Variants in RPL26L1 observed in about 807,000 individuals in gnomAD.
RPL26L1 encodes ribosomal protein L26 like 1, also known as ribosomal protein uL24-like.
RPL26L1 carries 8 observed loss-of-function variants against 15.2 expected under a neutral mutation model. The observed-to-expected ratio is 0.53, with a 90% CI of 0.31 to 0.95. The LOEUF (loss-of-function observed/expected upper bound fraction) is 0.95, where lower values mean the gene tolerates loss of function less well. Among genes scored for constraint, RPL26L1 ranks in the 40% least tolerant of loss-of-function variants. The pLI is 0.05. For missense variants in RPL26L1, 146 were observed against 190.9 expected, an observed-to-expected ratio of 0.76 and a Z score of 1.39; for synonymous variants, 51 against 65.9, an observed-to-expected ratio of 0.77 and a Z score of 1.09.
chr5:172,960,418 A>C (rs1162645534), intron 2 of RPL26L1, among the ~76,000 whole-genome samples: 1 of 152,082 alleles, frequency 6.6e-6, no homozygotes, highest in Admixed American at 6.6e-5. Flanking sequence ...TGCCCCACCA[A>C]AAATACTTTT....
chr5:172,960,193 A>G, intron 2 of RPL26L1, 152 bp downstream of exon 2: 1 of 824,782 alleles, frequency 1.2e-6, no homozygotes. Context: ...GAGCCACCAG[A>G]GAGTGCCTGC....
chr5:172,959,783 G>T, intron 1 of RPL26L1, 82 bp from the exon 2 acceptor site: 1 of 1,455,696 alleles, frequency 6.9e-7, no homozygotes, highest in Non-Finnish European at 9.6e-7. Context: ...TTTGTTGGGG[G>T]ATGAGGAGTG....
At chr5:172,959,502 A>T (rs1468077723) in intron 1 of RPL26L1, 34 bp downstream of exon 1, 1 of 1,048,268 alleles carries the variant, frequency 9.5e-7, no homozygotes, top group Non-Finnish European at 1.2e-6. Flanking sequence ...CGGACAGTGA[A>T]CTCTACCGCC....
chr5:172,969,345 T>C (rs1755595277), intron 3 of RPL26L1, 68 bp from the exon 4 acceptor site: 3 of 1,518,030 alleles, frequency 2.0e-6, no homozygotes, highest in South Asian at 1.2e-5. Flanking sequence ...ACTTAACTTA[T>C]GATGTCTATA....
chr5:172,960,240 T>G (rs1201472679), intron 2 of RPL26L1, among the ~76,000 whole-genome samples, 199 bp downstream of exon 2: 2 of 152,178 alleles, frequency 1.3e-5, no homozygotes, highest in Non-Finnish European at 2.9e-5. Context: ...ATAGTAATAG[T>G]AAAATTTAAT....
intron 2 of RPL26L1, among the ~76,000 whole-genome samples, chr5:172,966,387 C>G (rs1299670330): frequency 7.5e-6 from 1 of 133,272 alleles, no homozygotes; most frequent in Non-Finnish European, 1.5e-5. Flanking sequence ...GTCTCCAACT[C>G]CTGGACTCAA....
chr5:172,957,081 C>G, upstream of RPL26L1: 1 of 425,534 alleles, frequency 2.3e-6, no homozygotes, highest in East Asian at 7.1e-5. Context: ...GAGATCCAAA[C>G]CCAAGCGATT....
upstream of RPL26L1, chr5:172,955,684 C>T (rs1754951868): frequency 6.6e-6 from 1 of 152,222 alleles, no homozygotes; most frequent in Non-Finnish European, 1.5e-5. Context: ...GTGATGAGGT[C>T]ACGCACTTCA....
chr5:172,961,638 T>G (rs538588977), intron 2 of RPL26L1, among the ~76,000 whole-genome samples: 1 of 152,332 alleles, frequency 6.6e-6, no homozygotes, highest in Admixed American at 6.5e-5. Context: ...AGAACCTACT[T>G]TGACGTAGAT....
chr5:172,961,171 G>A (rs1171244202), intron 2 of RPL26L1, among the ~76,000 whole-genome samples: 1 of 152,186 alleles, frequency 6.6e-6, no homozygotes, highest in Non-Finnish European at 1.5e-5. Flanking sequence ...TTGAAGGTTT[G>A]GGGATATGTT....
chr5:172,967,791 CAT>C lies in RPL26L1; in HGVS notation c.169-663_169-662del, dbSNP rs377599624. Among the ~76,000 whole-genome samples the C allele has an allele frequency of 7.5e-4, 114 of 151,024 alleles. 1 individual carries two copies. In the East Asian group the frequency reaches 0.012, roughly 16 times the overall value. ...ATACACATATATACGTATGTATACA[CAT>C]ATATGTATATATGACATATAAGTAC... On this transcript the variant is annotated intron_variant, in intron 2 of 3. Transcript: ENST00000265100.
intron 2 of RPL26L1, 78 bp from the exon 3 acceptor site, chr5:172,968,381 G>A: frequency 6.4e-7 from 1 of 1,554,994 alleles, no homozygotes; most frequent in Non-Finnish European, 8.8e-7. Context: ...TTTAGCCCAT[G>A]TGTTCCTGAT....
chr5:172,960,440 C>T (rs542551042), intron 2 of RPL26L1, among the ~76,000 whole-genome samples: 19 of 152,260 alleles, frequency 1.2e-4, no homozygotes, highest in African/African-American at 4.6e-4. Flanking sequence ...ATTTAACCTT[C>T]TGGCTGCTAG....
chr5:172,964,274 C>T (rs1755360560), intron 2 of RPL26L1, among the ~76,000 whole-genome samples: 2 of 105,358 alleles, frequency 1.9e-5, no homozygotes, highest in Admixed American at 1.1e-4. Context: ...AGTGTCTGGC[C>T]TGTTGCCTTT....
Position 172,960,036 on chromosome 5 carries a change from G to A in RPL26L1, c.163G>A (p.Val55Ile). 2 of 1,614,058 alleles carry A rather than the reference G, an allele frequency of 1.2e-6. No homozygotes were observed. The highest frequency in any genetic ancestry group is 1.7e-6 in the Non-Finnish European group (2 of 1,179,982). ...CATGCCCATCCGCAAGGACGACGAG[G>A]TCCAGGTACGTCTCCCTCCGGCGCT... ...RSMPIRKDDE[V>I]QVVRGHYKGQ... is the part of the protein sequence containing the mutation. Residue 55 changes from valine (V) to isoleucine (I), a missense_variant, in exon 2 of 4, where the codon GTC becomes ATC. By Grantham distance (29) the Val-to-Ile change is conservative. Transcript: ENST00000265100.
At chr5:172,958,942 G>A (rs1191574783), upstream of RPL26L1, 1 of 153,754 alleles carries the variant, frequency 6.5e-6, no homozygotes, top group African/African-American at 2.4e-5. Context: ...AGTAGAGGTA[G>A]GAGGGCGCGG....
At chr5:172,957,611 G>A (rs1755017368), upstream of RPL26L1, 1 of 251,212 alleles carries the variant, frequency 4.0e-6, no homozygotes, top group African/African-American at 2.3e-5. Flanking sequence ...AACAGAACCA[G>A]TGAGTGAGTG....
upstream of RPL26L1, chr5:172,958,607 C>T (rs866474153): frequency 1.4e-5 from 5 of 348,466 alleles, no homozygotes; most frequent in Non-Finnish European, 2.4e-5. Flanking sequence ...CGTGGTTGAT[C>T]TCCCTCACAG....
At chr5:172,963,158 A>G (rs1312226306) in intron 2 of RPL26L1, among the ~76,000 whole-genome samples, 1 of 151,992 alleles carries the variant, frequency 6.6e-6, no homozygotes, top group African/African-American at 2.4e-5. Context: ...TGGGTGGATC[A>G]CCTGAGGTCA....
Sources: gnomAD v4.1 joint callset for allele counts (sites outside exome capture counted in the v4.1 genomes callset) on GRCh38, gnomAD v4.1.1 for gene constraint, MANE v1.5 for transcripts, NCBI Gene and HGNC (gene_info 2026-07-23, HGNC 2026-07-21) for gene names.